EYS: variants seen among roughly 807,000 people sequenced by gnomAD.
The protein encoded by EYS is EGF-like photoreceptor maintenance factor, also known as protein eyes shut homolog.
In EYS, 250 loss-of-function variants were observed where a neutral mutation model predicts 282.1. The observed-to-expected ratio is 0.89, with a 90% CI of 0.80 to 0.98. The LOEUF is 0.98. EYS is among the 50% of genes least tolerant of loss of function. The pLI, the probability that EYS is intolerant of heterozygous loss-of-function variation, is 0.00. For synonymous variants in EYS, 1,355 were observed against 1,282.9 expected (o/e 1.06, Z -1.20); for missense variants, 4,016 against 3,709.0 (o/e 1.08, Z -2.15).
chr6:65,601,186 C>A (rs1164393330), intron 2 of EYS, among the ~76,000 whole-genome samples: 4 of 151,824 alleles, frequency 2.6e-5, no homozygotes, highest in African/African-American at 9.7e-5. Flanking sequence ...TCCTTTCAAG[C>A]ATAGCCTAAA....
chr6:64,682,026 C>A (rs1020960694), intron 22 of EYS, among the ~76,000 whole-genome samples: 1 of 152,170 alleles, frequency 6.6e-6, no homozygotes, highest in South Asian at 2.1e-4. Flanking sequence ...CCTCTCTGGG[C>A]ACAGAGGAGA....
At chr6:65,463,357 G>T (rs1013192295) in intron 5 of EYS, among the ~76,000 whole-genome samples, 2 of 152,010 alleles carry the variant, frequency 1.3e-5, no homozygotes, top group South Asian at 2.1e-4. Context: ...TCACTTTCTC[G>T]ATGAGATTTC....
At chr6:65,026,267 C>T (rs1772405328) in intron 13 of EYS, among the ~76,000 whole-genome samples, 1 of 152,158 alleles carries the variant, frequency 6.6e-6, no homozygotes, top group Non-Finnish European at 1.5e-5. Context: ...GCTCTAAATA[C>T]TGTAGGCTGG....
intron 18 of EYS, among the ~76,000 whole-genome samples, chr6:64,896,859 G>T (rs901970520): frequency 1.6e-4 from 25 of 152,036 alleles, no homozygotes; most frequent in African/African-American, 2.2e-4. Context: ...TGGAGGGGGG[G>T]GCCACCACAG....
At chr6:63,741,902 C>T (rs1163891708) in intron 41 of EYS, 1 of 702,160 alleles carries the variant, frequency 1.4e-6, no homozygotes, top group African/African-American at 1.7e-5. Flanking sequence ...GCTGTTTGTA[C>T]TGGTCCTTAC....
intron 19 of EYS, among the ~76,000 whole-genome samples, chr6:64,827,510 A>G (rs1393246676): frequency 6.6e-6 from 1 of 151,916 alleles, no homozygotes; most frequent in African/African-American, 2.4e-5. Context: ...CTTAACTACT[A>G]CTGAACACAT....
chr6:64,776,901 A>G (rs758537093), intron 22 of EYS, among the ~76,000 whole-genome samples: 36 of 152,138 alleles, frequency 2.4e-4, no homozygotes, highest in Non-Finnish European at 4.7e-4. Context: ...TCATGCTGCT[A>G]TAAGGACATG....
intron 22 of EYS, among the ~76,000 whole-genome samples, chr6:64,703,429 A>ATTTTTTTTTTTT (rs1554194865): frequency 0.046 from 1,063 of 23,328 alleles, 231 homozygotes; most frequent in Middle Eastern, 0.17. Context: ...ATATATATAT[A>ATTTTTTTTTTTT]TTTTTTTTTT....
intron 2 of EYS, among the ~76,000 whole-genome samples, chr6:65,621,639 T>A (rs1365170114): frequency 1.3e-5 from 2 of 152,048 alleles, no homozygotes; most frequent in Non-Finnish European, 2.9e-5. Flanking sequence ...ATGCAGTTTC[T>A]TCCTAGTCTC....
chr6:65,586,806 G>C (rs1765064537), intron 2 of EYS, among the ~76,000 whole-genome samples: 2 of 152,006 alleles, frequency 1.3e-5, no homozygotes, highest in Non-Finnish European at 2.9e-5. Flanking sequence ...TTACAAGCAA[G>C]TCTAAATCTA....
chr6:64,056,541 T>G (rs1276478444), intron 33 of EYS, among the ~76,000 whole-genome samples: 1 of 152,172 alleles, frequency 6.6e-6, no homozygotes, highest in Non-Finnish European at 1.5e-5. Context: ...TCTATTACTT[T>G]CCCTGAGGCT....
At chr6:65,244,312 G>A (rs1352982415) in intron 12 of EYS, among the ~76,000 whole-genome samples, 1 of 152,112 alleles carries the variant, frequency 6.6e-6, no homozygotes, top group Non-Finnish European at 1.5e-5. Context: ...ATTTGTCCAT[G>A]AAGATTGGCT....
intron 2 of EYS, among the ~76,000 whole-genome samples, chr6:65,627,180 T>A (rs1296036256): frequency 3.9e-5 from 6 of 152,208 alleles, no homozygotes; most frequent in African/African-American, 1.4e-4. Context: ...GAACTCTTAC[T>A]GGAGGCTGTA....
rs185127640 is a variant in EYS at position 65,280,212 on chromosome 6, C to T, written c.2023+15651G>A. Among the ~76,000 whole-genome samples, 341 of 152,292 alleles carry T rather than the reference C, an allele frequency of 2.2e-3. 3 individuals carry two copies. Among genetic ancestry groups the T allele is most frequent in the Admixed American group, 7.4e-3 (113 of 15,302 alleles). On this transcript the variant is annotated intron_variant, in intron 12 of 42. Transcript: ENST00000503581. ...CCAGTTTGTTAGCCACTCTTCCAATCCACAAACAATGACTCATTAGTCAAC... is the reference window on the plus strand; with the variant it reads ...CCAGTTTGTTAGCCACTCTTCCAATTCACAAACAATGACTCATTAGTCAAC...
chr6:65,439,872 A>C (rs915264610), intron 5 of EYS, among the ~76,000 whole-genome samples: 9 of 152,214 alleles, frequency 5.9e-5, no homozygotes, highest in African/African-American at 2.2e-4. Flanking sequence ...ACTGTAATGG[A>C]TCTATCTTTA....
intron 12 of EYS, among the ~76,000 whole-genome samples, chr6:65,264,745 A>G (rs916932813): frequency 3.3e-5 from 5 of 151,958 alleles, no homozygotes; most frequent in African/African-American, 9.7e-5. Context: ...GATAACAATG[A>G]AAGACTATTT....
At chr6:64,577,500 TCACA>T (rs137964045) in intron 26 of EYS, among the ~76,000 whole-genome samples, 14,949 of 150,654 alleles carry the variant, frequency 0.099, 905 homozygotes, top group East Asian at 0.17. Context: ...ACACACACAC[TCACA>T]CACACACACA....
chr6:65,572,208 C>T (rs894517342), intron 2 of EYS, among the ~76,000 whole-genome samples: 4 of 152,054 alleles, frequency 2.6e-5, no homozygotes, highest in African/African-American at 9.6e-5. Context: ...ATAAATCATG[C>T]TGGAATAACT....
intron 14 of EYS, among the ~76,000 whole-genome samples, chr6:64,946,739 T>C (rs995875416): frequency 6.6e-6 from 1 of 151,922 alleles, no homozygotes; most frequent in Non-Finnish European, 1.5e-5. Flanking sequence ...AGATGTGCTA[T>C]AAATATAAAA....
Sources: allele counts gnomAD v4.1 joint callset (sites outside exome capture counted in the v4.1 genomes callset), GRCh38; gene constraint gnomAD v4.1.1; transcripts MANE v1.5; gene names NCBI Gene and HGNC (gene_info 2026-07-23, HGNC 2026-07-21).